GBE1: variants seen among roughly 807,000 people sequenced by gnomAD.
The protein encoded by GBE1 is 1,4-alpha-glucan-branching enzyme.
A neutral mutation model predicts 88.8 loss-of-function variants in GBE1; 70 were observed. The ratio of observed to expected loss-of-function variants is 0.79; its 90% CI spans 0.65 to 0.96. GBE1 has a LOEUF of 0.96. GBE1 is among the 40% of genes least tolerant of loss of function. GBE1 has a pLI of 0.00. For synonymous variants in GBE1, 284 were observed against 300.1 expected (o/e 0.95, Z 0.56); for missense variants, 872 against 871.0 (o/e 1.00, Z -0.01).
At chr3:81,646,512 A>G (rs750655767) in intron 5 of GBE1, 30 bp from the exon 6 acceptor site, 1 of 1,217,738 alleles carries the variant, frequency 8.2e-7, no homozygotes, top group South Asian at 1.4e-5. Flanking sequence ...AATCTAAATT[A>G]AAAGCCACAT....
chr3:81,713,309 C>T (rs977298139), intron 1 of GBE1, among the ~76,000 whole-genome samples: 1 of 152,102 alleles, frequency 6.6e-6, no homozygotes, highest in Non-Finnish European at 1.5e-5. Flanking sequence ...GACAGAGAAG[C>T]GCATTACATG....
At chr3:81,535,429 G>T in intron 13 of GBE1, 104 bp from the exon 14 acceptor site, 1 of 1,046,526 alleles carries the variant, frequency 9.6e-7, no homozygotes, top group Non-Finnish European at 1.3e-6. Flanking sequence ...AACCAAAAAT[G>T]AGTATTTCAG....
chr3:81,760,851 GGAATA>G, intron 1 of GBE1, among the ~76,000 whole-genome samples: 1 of 152,262 alleles, frequency 6.6e-6, no homozygotes, highest in African/African-American at 2.4e-5. Context: ...CCCTAAATGA[GGAATA>G]TTAGCAAGGA....
At chr3:81,491,045 C>T (rs758494392) in intron 15 of GBE1, among the ~76,000 whole-genome samples, 4 of 152,124 alleles carry the variant, frequency 2.6e-5, no homozygotes, top group Non-Finnish European at 4.4e-5. Flanking sequence ...CAGCTCAGCT[C>T]CTTGCTTGCA....
intron 4 of GBE1, 131 bp downstream of exon 4, chr3:81,649,665 T>C (rs1447741899): frequency 1.1e-5 from 7 of 651,102 alleles, no homozygotes; most frequent in Non-Finnish European, 1.8e-5. Flanking sequence ...ATAAAAGGAA[T>C]ACTATGATGT....
At chr3:81,669,589 G>A (rs1705160118) in intron 3 of GBE1, among the ~76,000 whole-genome samples, 2 of 151,394 alleles carry the variant, frequency 1.3e-5, no homozygotes, top group African/African-American at 2.4e-5. Flanking sequence ...ACTCTGCCAG[G>A]CACTGTTCAA....
At chr3:81,732,275 T>A in intron 1 of GBE1, among the ~76,000 whole-genome samples, 1 of 152,166 alleles carries the variant, frequency 6.6e-6, no homozygotes, top group East Asian at 1.9e-4. Context: ...TACTAGACTA[T>A]AATACAGCAT....
chr3:81,562,709 T>C (rs1026640586), intron 12 of GBE1, among the ~76,000 whole-genome samples: 1 of 152,074 alleles, frequency 6.6e-6, no homozygotes, highest in Non-Finnish European at 1.5e-5. Context: ...GTCATCTAAA[T>C]AATCTGTATC....
chr3:81,572,086 G>A (rs1179749621), intron 12 of GBE1, among the ~76,000 whole-genome samples: 1 of 152,106 alleles, frequency 6.6e-6, no homozygotes, highest in African/African-American at 2.4e-5. Context: ...GTGATAGTGA[G>A]TTCTCACAAG....
At chr3:81,622,505 T>G (rs1704346798) in intron 7 of GBE1, among the ~76,000 whole-genome samples, 2 of 152,174 alleles carry the variant, frequency 1.3e-5, no homozygotes, top group Non-Finnish European at 2.9e-5. Context: ...TGATACAAGC[T>G]CACTGCTTTG....
At chr3:81,756,901 T>C (rs191341221) in intron 1 of GBE1, among the ~76,000 whole-genome samples, 5 of 152,228 alleles carry the variant, frequency 3.3e-5, no homozygotes, top group Non-Finnish European at 5.9e-5. Context: ...TTTCATGGGG[T>C]AGAGAAATTG....
At chr3:81,531,434 C>T (rs1703010107) in intron 14 of GBE1, among the ~76,000 whole-genome samples, 1 of 151,874 alleles carries the variant, frequency 6.6e-6, no homozygotes, top group Admixed American at 6.6e-5. Flanking sequence ...TGTGCCGGGT[C>T]ACATCTGAAG....
chr3:81,616,695 A>G (rs1011316232), intron 7 of GBE1, among the ~76,000 whole-genome samples: 4 of 152,120 alleles, frequency 2.6e-5, no homozygotes, highest in African/African-American at 9.7e-5. Flanking sequence ...TTACCATATA[A>G]TTTTGAAATA....
chr3:81,495,055 A>G (rs1013766933), intron 15 of GBE1, among the ~76,000 whole-genome samples: 12 of 152,252 alleles, frequency 7.9e-5, no homozygotes, highest in Non-Finnish European at 1.0e-4. Context: ...TGTTAAGTTT[A>G]GAAATAGCAC....
chr3:81,660,260 G>A (rs753670750), intron 3 of GBE1, among the ~76,000 whole-genome samples: 1 of 152,116 alleles, frequency 6.6e-6, no homozygotes, highest in African/African-American at 2.4e-5. Context: ...AGGCACTAGA[G>A]GTGGAAACAG....
chr3:81,542,149 T>C (rs1194261406), intron 12 of GBE1, among the ~76,000 whole-genome samples: 1 of 152,102 alleles, frequency 6.6e-6, no homozygotes, highest in Non-Finnish European at 1.5e-5. Flanking sequence ...TGAACAAAGA[T>C]AGACTTGCAT....
At chr3:81,713,492 G>T (rs1293925251) in intron 1 of GBE1, among the ~76,000 whole-genome samples, 2 of 152,148 alleles carry the variant, frequency 1.3e-5, no homozygotes, top group Admixed American at 6.6e-5. Context: ...TAACTGATAT[G>T]ATCAGAGACA....
Position 81,593,957 on chromosome 3 carries a change from T to C in GBE1, c.1059A>G (p.Gly353=). Reference sequence around the variant, plus strand: ...TGGACGTAACACCATCAAAACGAAATCCATCAAAGCGATATTCTTCCAACC... The same window carrying C: ...TGGACGTAACACCATCAAAACGAAACCCATCAAAGCGATATTCTTCCAACC... The part of the protein sequence containing the change: ...RWWLEEYRFD[G]FRFDGVTSML... The change falls in exon 8 of 16, where the codon GGA becomes GGG. Residue 353 remains glycine, a synonymous_variant. Coordinates refer to ENST00000429644, the MANE Select transcript of GBE1 (RefSeq NM_000158.4). The C allele has an allele frequency of 6.3e-7, 1 of 1,586,852 alleles. No homozygotes were observed. Among genetic ancestry groups the C allele is most frequent in the South Asian group, 1.2e-5 (1 of 86,466 alleles).
chr3:81,535,124 T>C, intron 14 of GBE1, 71 bp downstream of exon 14: 1 of 1,319,318 alleles, frequency 7.6e-7, no homozygotes, highest in Middle Eastern at 1.9e-4. Context: ...AGTCTTTTTT[T>C]TTTTTTTGTC....
Sources: allele counts gnomAD v4.1 joint callset (sites outside exome capture counted in the v4.1 genomes callset), GRCh38; gene constraint gnomAD v4.1.1; transcripts MANE v1.5; gene names NCBI Gene and HGNC (gene_info 2026-07-23, HGNC 2026-07-21).